Variants in MACROD2 observed in about 807,000 individuals in gnomAD.
The protein encoded by MACROD2 is ADP-ribose glycohydrolase MACROD2.
In MACROD2, 36 loss-of-function variants were observed where a neutral mutation model predicts 70.4. The observed-to-expected ratio is 0.51, with a 90% CI of 0.39 to 0.68. The LOEUF (loss-of-function observed/expected upper bound fraction) is 0.68. Ranked by LOEUF, MACROD2 falls within the 30% of genes least tolerant of loss-of-function variation. MACROD2 has a pLI of 0.00. For synonymous variants in MACROD2, 172 were observed against 178.8 expected, an observed-to-expected ratio of 0.96 and a Z score of 0.30; for missense variants, 496 against 538.4, an observed-to-expected ratio of 0.92 and a Z score of 0.78.
chr20:14,877,223 G>C (rs916631600), intron 5 of MACROD2, among the ~76,000 whole-genome samples: 1 of 151,928 alleles, frequency 6.6e-6, no homozygotes, highest in African/African-American at 2.4e-5. Context: ...GCTATTTTAA[G>C]TAGGATTACA....
intron 3 of MACROD2, among the ~76,000 whole-genome samples, chr20:14,338,199 C>T (rs188989641): frequency 9.9e-5 from 15 of 152,190 alleles, no homozygotes; most frequent in African/African-American, 3.1e-4. Flanking sequence ...GTCAGGAGTT[C>T]GAGACCAGCC....
At chr20:15,562,443 A>AT (rs1305982482) in intron 8 of MACROD2, among the ~76,000 whole-genome samples, 1 of 152,166 alleles carries the variant, frequency 6.6e-6, no homozygotes, top group South Asian at 2.1e-4. Context: ...GTCTCCTAAT[A>AT]TTTTTTAACT....
intron 8 of MACROD2, among the ~76,000 whole-genome samples, chr20:15,578,165 G>T (rs1221445870): frequency 6.6e-6 from 1 of 152,122 alleles, no homozygotes; most frequent in African/African-American, 2.4e-5. Flanking sequence ...TGATAAGTTG[G>T]GTGCATGATC....
intron 8 of MACROD2, among the ~76,000 whole-genome samples, chr20:15,809,005 AGAGTG>A (rs1406024107): frequency 6.6e-6 from 1 of 152,222 alleles, no homozygotes; most frequent in African/African-American, 2.4e-5. Context: ...ATAATATAGT[AGAGTG>A]GAGAAACAGA....
At chr20:15,215,211 G>T (rs765328385) in intron 5 of MACROD2, among the ~76,000 whole-genome samples, 10 of 150,778 alleles carry the variant, frequency 6.6e-5, no homozygotes, top group Non-Finnish European at 1.5e-4. Flanking sequence ...TCAAAGTCAT[G>T]AAAATATTGA....
Position 14,245,929 on chromosome 20 carries a change from A to C in MACROD2, c.271+160201A>C, listed in dbSNP as rs533679936. Among the ~76,000 whole-genome samples the C allele has an allele frequency of 4.6e-5, 7 of 152,290 alleles. No individual in the cohort carries two copies. The East Asian group carries it at 1.3e-3, about 29-fold the overall frequency. On this transcript the variant is annotated intron_variant, in intron 3 of 17. Transcript: ENST00000684519. ...CAAGGGCTATTATCTCAGGTTCTGC[A>C]CATCTTACAAAGTAGATGTAGTATT...
intron 8 of MACROD2, among the ~76,000 whole-genome samples, chr20:15,507,674 G>A (rs2047445772): frequency 2.6e-5 from 4 of 152,004 alleles, no homozygotes; most frequent in Admixed American, 2.6e-4. Context: ...TTCTGATGGG[G>A]GTGTTCCAGT....
chr20:14,152,397 T>C (rs1368496535), intron 3 of MACROD2, among the ~76,000 whole-genome samples: 1 of 151,358 alleles, frequency 6.6e-6, no homozygotes, highest in Non-Finnish European at 1.5e-5. Flanking sequence ...ATTTTTAGTA[T>C]TTTAAAATTC....
intron 5 of MACROD2, among the ~76,000 whole-genome samples, chr20:14,778,304 G>A (rs1481177043): frequency 2.0e-5 from 3 of 152,080 alleles, no homozygotes; most frequent in African/African-American, 4.8e-5. Context: ...CGCCCTGTCC[G>A]GTAGGAGCAG....
At chr20:15,410,653 T>TCACACACA (rs11471470) in intron 6 of MACROD2, among the ~76,000 whole-genome samples, 1 of 150,634 alleles carries the variant, frequency 6.6e-6, no homozygotes, top group East Asian at 1.9e-4. Context: ...CTGAATTCTG[T>TCACACACA]CACACACACA....
chr20:14,955,670 T>C (rs977051560), intron 5 of MACROD2, among the ~76,000 whole-genome samples: 1 of 152,088 alleles, frequency 6.6e-6, no homozygotes, highest in African/African-American at 2.4e-5. Context: ...TTGCTTTTTG[T>C]CTTGTAGTTT....
At chr20:15,647,113 A>T (rs557332172) in intron 8 of MACROD2, among the ~76,000 whole-genome samples, 11 of 152,254 alleles carry the variant, frequency 7.2e-5, no homozygotes, top group Non-Finnish European at 1.0e-4. Flanking sequence ...GCCAAATGCA[A>T]TACAGAACAG....
intron 5 of MACROD2, among the ~76,000 whole-genome samples, chr20:14,745,565 C>T (rs928308534): frequency 6.6e-6 from 1 of 152,282 alleles, no homozygotes; most frequent in South Asian, 2.1e-4. Context: ...TCTGGTTCCG[C>T]TTTTTACTAG....
intron 3 of MACROD2, among the ~76,000 whole-genome samples, chr20:14,469,641 C>T (rs2084503235): frequency 6.6e-6 from 1 of 151,924 alleles, no homozygotes; most frequent in African/African-American, 2.4e-5. Flanking sequence ...TTCTCTTTTT[C>T]TCTAATCTTG....
chr20:15,866,459 GA>G (rs540497840), intron 9 of MACROD2, among the ~76,000 whole-genome samples: 16 of 149,472 alleles, frequency 1.1e-4, no homozygotes, highest in African/African-American at 3.2e-4. Context: ...AGGAAAAAAA[GA>G]AAAAAAAATG....
chr20:14,172,574 G>T (rs1005620332), intron 3 of MACROD2, among the ~76,000 whole-genome samples: 1 of 152,044 alleles, frequency 6.6e-6, no homozygotes, highest in Admixed American at 6.6e-5. Context: ...CAAAATGCTG[G>T]GATTATAGGC....
chr20:14,275,053 G>A (rs957102745), intron 3 of MACROD2, among the ~76,000 whole-genome samples: 69 of 152,118 alleles, frequency 4.5e-4, no homozygotes, highest in African/African-American at 1.5e-3. Context: ...AATCAATATC[G>A]TGAAAGGTAA....
chr20:15,894,860 A>T (rs1222237972), intron 10 of MACROD2, among the ~76,000 whole-genome samples: 4 of 152,186 alleles, frequency 2.6e-5, no homozygotes, highest in African/African-American at 9.7e-5. Flanking sequence ...TTCACCCAAG[A>T]TGTTAAGCTT....
At chr20:15,393,239 T>C (rs1018456079) in intron 6 of MACROD2, among the ~76,000 whole-genome samples, 3 of 152,216 alleles carry the variant, frequency 2.0e-5, no homozygotes, top group African/African-American at 7.2e-5. Flanking sequence ...CTTAATCATC[T>C]TCCATTATTT....
Sources: gnomAD v4.1 joint callset for allele counts (sites outside exome capture counted in the v4.1 genomes callset) on GRCh38, gnomAD v4.1.1 for gene constraint, MANE v1.5 for transcripts, NCBI Gene and HGNC (gene_info 2026-07-23, HGNC 2026-07-21) for gene names.